The following STK33 variants were observed in gnomAD, a reference collection of about 807,000 sequenced individuals.
STK33 encodes the protein serine/threonine-protein kinase 33.
Under a neutral mutation model 58.0 loss-of-function variants are expected in STK33, and 52 were observed. The observed-to-expected ratio is 0.90, with a 90% CI of 0.72 to 1.13. STK33 has a LOEUF of 1.13. STK33 is among the 50% of genes most tolerant of loss of function. The probability of loss-of-function intolerance (pLI) is 0.00; values close to 1 mark genes in which losing one functional copy is unlikely to be tolerated. For missense variants in STK33, 630 were observed against 604.2 expected (o/e 1.04, Z -0.45); for synonymous variants, 215 against 200.1 (o/e 1.07, Z -0.63).
intron 1 of STK33, among the ~76,000 whole-genome samples, chr11:8,584,088 T>C (rs577465284): frequency 1.9e-4 from 29 of 149,434 alleles, no homozygotes; most frequent in Non-Finnish European, 3.7e-4. Flanking sequence ...CAGAATGATT[T>C]TAGGCTGAAA....
At chr11:8,376,152 C>A in the STK33 span, among the ~76,000 whole-genome samples, 1 of 152,318 alleles carries the variant, frequency 6.6e-6, no homozygotes, top group East Asian at 1.9e-4. Context: ...GCCCAAGCAT[C>A]ACTGAGCGAC....
intron 11 of STK33, among the ~76,000 whole-genome samples, chr11:8,448,776 G>C (rs952318804): frequency 2.6e-5 from 4 of 152,108 alleles, no homozygotes; most frequent in African/African-American, 9.7e-5. Flanking sequence ...AGCCAAAATT[G>C]ACAAATGGGA....
chr11:8,581,511 A>G (rs1176820301), intron 1 of STK33, among the ~76,000 whole-genome samples: 1 of 152,104 alleles, frequency 6.6e-6, no homozygotes, highest in Non-Finnish European at 1.5e-5. Flanking sequence ...GTTTCACAAT[A>G]CCAAATCAAA....
rs376539561 is a variant in STK33, at chr11:8,454,422, T to G, written c.786+322A>C. Among the ~76,000 whole-genome samples the G allele has an allele frequency of 2.6e-5, 4 of 152,346 alleles. No homozygotes were observed. In the South Asian group the frequency reaches 8.3e-4, roughly 32 times the overall value. ...CACGCAAGGTGTGCTTTTCTCTAAA[T>G]CTGTAACACATTTACATCAAATTAC... On this transcript the variant is annotated intron_variant, in intron 10 of 15. Transcript: ENST00000687296.
intron 15 of STK33, among the ~76,000 whole-genome samples, chr11:8,400,442 A>G (rs1044175294): frequency 6.6e-6 from 1 of 152,226 alleles, no homozygotes; most frequent in African/African-American, 2.4e-5. Flanking sequence ...AAAACTCTCA[A>G]TAAATTAGGT....
intron 14 of STK33, among the ~76,000 whole-genome samples, chr11:8,433,445 G>A (rs1403380696): frequency 6.6e-6 from 1 of 152,000 alleles, no homozygotes; most frequent in Admixed American, 6.6e-5. Context: ...TATCTTTTCA[G>A]CCCAGTGGCT....
chr11:8,578,023 G>A (rs1320864568), intron 1 of STK33, among the ~76,000 whole-genome samples: 1 of 152,064 alleles, frequency 6.6e-6, no homozygotes, highest in African/African-American at 2.4e-5. Context: ...GTAAATGTCT[G>A]CTCATATGCA....
At chr11:8,335,636 T>A in the STK33 span, among the ~76,000 whole-genome samples, 1 of 152,296 alleles carries the variant, frequency 6.6e-6, no homozygotes, top group South Asian at 2.1e-4. Context: ...CCTATAGAAA[T>A]ACAATGTGAG....
At chr11:8,453,807 T>C (rs555801468) in intron 10 of STK33, among the ~76,000 whole-genome samples, 106 of 152,352 alleles carry the variant, frequency 7.0e-4, no homozygotes, top group African/African-American at 2.5e-3. Context: ...TCACCATTTT[T>C]CTAAACAGAT....
chr11:8,544,111 T>C (rs995708192), intron 1 of STK33, among the ~76,000 whole-genome samples: 1 of 151,846 alleles, frequency 6.6e-6, no homozygotes, highest in Admixed American at 6.6e-5. Context: ...GCTGCACCCA[T>C]CAACCCGTCA....
At chr11:8,374,253 G>A in the STK33 span, among the ~76,000 whole-genome samples, 3 of 152,162 alleles carry the variant, frequency 2.0e-5, no homozygotes, top group Non-Finnish European at 2.9e-5. Context: ...AGAGCACAGA[G>A]CTCAGGCCCC....
intron 1 of STK33, among the ~76,000 whole-genome samples, chr11:8,573,961 G>A (rs1958003662): frequency 6.6e-6 from 1 of 152,194 alleles, no homozygotes; most frequent in Admixed American, 6.5e-5. Flanking sequence ...GAGACTCAGG[G>A]TGATGATGCA....
intron 15 of STK33, among the ~76,000 whole-genome samples, chr11:8,409,143 T>C (rs1939776602): frequency 6.6e-6 from 1 of 152,212 alleles, no homozygotes; most frequent in Non-Finnish European, 1.5e-5. Context: ...ATTTAACTCT[T>C]TTCTGCACAA....
intron 15 of STK33, among the ~76,000 whole-genome samples, chr11:8,409,859 T>C (rs1939913464): frequency 6.6e-6 from 1 of 152,108 alleles, no homozygotes; most frequent in South Asian, 2.1e-4. Context: ...ACTTAGTTGG[T>C]GAGATTATTA....
At chr11:8,530,115 G>A (rs958060090) in intron 1 of STK33, among the ~76,000 whole-genome samples, 2 of 152,216 alleles carry the variant, frequency 1.3e-5, no homozygotes, top group African/African-American at 4.8e-5. Context: ...AGATGAGAAT[G>A]TGGAGAGCAT....
intron 1 of STK33, among the ~76,000 whole-genome samples, chr11:8,584,717 T>C (rs374691696): frequency 6.6e-6 from 1 of 152,152 alleles, no homozygotes; most frequent in African/African-American, 2.4e-5. Context: ...TCTTTTCTGT[T>C]ACCAAGTGCC....
At chr11:8,587,253 CA>C (rs1565428947) in intron 1 of STK33, among the ~76,000 whole-genome samples, 1 of 152,002 alleles carries the variant, frequency 6.6e-6, no homozygotes, top group African/African-American at 2.4e-5. Context: ...AATTTGAAAA[CA>C]TTTTTCAATG....
At chr11:8,573,485 A>C (rs1957964667) in intron 1 of STK33, among the ~76,000 whole-genome samples, 1 of 152,234 alleles carries the variant, frequency 6.6e-6, no homozygotes, top group Non-Finnish European at 1.5e-5. Context: ...GTTGGTGGGC[A>C]TGTACAATAG....
intron 1 of STK33, among the ~76,000 whole-genome samples, chr11:8,558,047 A>G (rs1040051272): frequency 2.0e-5 from 3 of 152,206 alleles, no homozygotes; most frequent in Non-Finnish European, 2.9e-5. Context: ...TCACTAGGAC[A>G]CATGAAGCCC....
Sources: gnomAD v4.1 joint callset for allele counts (sites outside exome capture counted in the v4.1 genomes callset) on GRCh38, gnomAD v4.1.1 for gene constraint, MANE v1.5 for transcripts, NCBI Gene and HGNC (gene_info 2026-07-23, HGNC 2026-07-21) for gene names.